Variants in AFF3 observed in about 807,000 individuals in gnomAD.
The protein encoded by AFF3 is AF4/FMR2 family member 3.
Under a neutral mutation model 129.7 loss-of-function variants are expected in AFF3, and 32 were observed. The observed-to-expected ratio is 0.25, with a 90% CI of 0.19 to 0.33. The LOEUF is 0.33. Among genes scored for constraint, AFF3 ranks in the 10% least tolerant of loss-of-function variants. AFF3 has a pLI of 1.00. For missense variants in AFF3, 1,373 were observed against 1,592.0 expected, an observed-to-expected ratio of 0.86 and a Z score of 2.34; for synonymous variants, 644 against 635.4, an observed-to-expected ratio of 1.01 and a Z score of -0.20.
At chr2:100,014,783 CTTTT>C (rs60456923) in intron 4 of AFF3, among the ~76,000 whole-genome samples, 2 of 120,412 alleles carry the variant, frequency 1.7e-5, no homozygotes, top group African/African-American at 6.6e-5. Flanking sequence ...ACCTTGCTTC[CTTTT>C]TTTTTTTTTT....
chr2:99,815,212 T>A lies in AFF3; in HGVS notation c.921+22265A>T, dbSNP rs1205285042. Among the ~76,000 whole-genome samples the A allele has an allele frequency of 2.0e-5, 3 of 152,180 alleles. No individual in the cohort carries two copies. In the East Asian group the frequency reaches 5.8e-4, roughly 29 times the overall value. On this transcript the variant is annotated intron_variant, in intron 8 of 24. Coordinates refer to ENST00000672756, the MANE Select transcript of AFF3 (RefSeq NM_001386135.1). ...CTTTATGATCATGAATTGTTCAGTC[T>A]TATTCCTTGGATGTATCAGTTGCAT...
intron 7 of AFF3, among the ~76,000 whole-genome samples, chr2:99,921,879 A>G (rs1400769601): frequency 6.6e-6 from 1 of 152,214 alleles, no homozygotes; most frequent in Non-Finnish European, 1.5e-5. Flanking sequence ...ATTAGCAACA[A>G]CACTATAAAA....
At chr2:100,071,292 G>A (rs1688161180) in intron 4 of AFF3, among the ~76,000 whole-genome samples, 1 of 152,156 alleles carries the variant, frequency 6.6e-6, no homozygotes, top group South Asian at 2.1e-4. Flanking sequence ...AAATAAAAAT[G>A]TCTAATACTA....
At chr2:99,605,689 AC>A (rs1281312143) in intron 13 of AFF3, among the ~76,000 whole-genome samples, 2 of 152,128 alleles carry the variant, frequency 1.3e-5, no homozygotes, top group African/African-American at 4.8e-5. Flanking sequence ...AGCCACAAAC[AC>A]ACACATATAC....
intron 16 of AFF3, among the ~76,000 whole-genome samples, chr2:99,586,188 T>G (rs1412158181): frequency 6.6e-6 from 1 of 152,242 alleles, no homozygotes; most frequent in Non-Finnish European, 1.5e-5. Flanking sequence ...ATTTGGGGAC[T>G]ACATTTTCCC....
chr2:99,831,703 T>G (rs1034444922), intron 8 of AFF3, among the ~76,000 whole-genome samples: 1 of 152,152 alleles, frequency 6.6e-6, no homozygotes, highest in Non-Finnish European at 1.5e-5. Flanking sequence ...CACTAAAATA[T>G]AAAGAAGAAA....
rs572045852 is a variant in AFF3 at position 99,707,499 on chromosome 2, G to C, written c.1091+19578C>G. On this transcript the variant is annotated intron_variant, in intron 11 of 24. Coordinates refer to ENST00000672756, the MANE Select transcript of AFF3 (RefSeq NM_001386135.1). ...AGGTTATCCACGAAGTTTCAAACGC[G>C]TCTTAGTAACATAAACTGAAGTTAG... The C allele has an allele frequency of 1.4e-5, 14 of 985,166 alleles. No homozygotes were observed. The South Asian group carries it at 4.7e-4, about 33-fold the overall frequency. 61.0% of individuals were successfully genotyped at this position (985,166 alleles called of 1,614,324 possible).
At chr2:99,996,604 T>A (rs1362814677) in intron 7 of AFF3, among the ~76,000 whole-genome samples, 2 of 149,438 alleles carry the variant, frequency 1.3e-5, no homozygotes, top group Admixed American at 6.7e-5. Flanking sequence ...ATGGTCTCGA[T>A]CTCCTGACCT....
chr2:100,037,851 CAT>C (rs1186131991), intron 4 of AFF3, among the ~76,000 whole-genome samples: 3 of 139,814 alleles, frequency 2.1e-5, no homozygotes, highest in East Asian at 4.0e-4. Flanking sequence ...TACAAATAAA[CAT>C]ATATAATATA....
chr2:99,961,529 T>G (rs1677212726), intron 7 of AFF3, among the ~76,000 whole-genome samples: 2 of 152,222 alleles, frequency 1.3e-5, no homozygotes, highest in Admixed American at 6.5e-5. Flanking sequence ...ACACAGGTTT[T>G]AGAGATTATC....
At chr2:99,571,694 C>T (rs940363801) in intron 18 of AFF3, among the ~76,000 whole-genome samples, 1 of 152,192 alleles carries the variant, frequency 6.6e-6, no homozygotes, top group Non-Finnish European at 1.5e-5. Flanking sequence ...GGAGGGCTCA[C>T]TATAATGAGT....
At chr2:99,720,895 A>T (rs543981037) in intron 11 of AFF3, among the ~76,000 whole-genome samples, 70 of 152,298 alleles carry the variant, frequency 4.6e-4, no homozygotes, top group African/African-American at 1.7e-3. Flanking sequence ...ACTTCACATA[A>T]AATGTAAAAA....
At chr2:99,977,352 G>C (rs910925505) in intron 7 of AFF3, among the ~76,000 whole-genome samples, 2 of 152,150 alleles carry the variant, frequency 1.3e-5, no homozygotes, top group Non-Finnish European at 2.9e-5. Context: ...GGGAACCCAA[G>C]GCCTGCTCCT....
chr2:99,570,735 C>T (rs1676397452), intron 18 of AFF3, among the ~76,000 whole-genome samples: 1 of 152,232 alleles, frequency 6.6e-6, no homozygotes, highest in Admixed American at 6.5e-5. Context: ...ATATTGCTTA[C>T]TCACGAAGGC....
At chr2:99,954,189 T>C (rs972772238) in intron 7 of AFF3, among the ~76,000 whole-genome samples, 1 of 152,058 alleles carries the variant, frequency 6.6e-6, no homozygotes, top group African/African-American at 2.4e-5. Flanking sequence ...TTTAGCATTA[T>C]CTAAATGCAG....
chr2:99,553,069 T>A (rs1468803868), intron 24 of AFF3, among the ~76,000 whole-genome samples: 2 of 152,182 alleles, frequency 1.3e-5, no homozygotes, highest in Non-Finnish European at 2.9e-5. Flanking sequence ...CCTGAGTAGC[T>A]GGGATTACAG....
Position 99,554,314 on chromosome 2 carries a change from G to A in AFF3, c.3556C>T (p.Arg1186Ter). ...EMADNLAKEN[R>*]EFFNDLDLLM... ...TCCCCGTGGGGTGTGCGCTCACCTC[G>A]GTTTTCCTTGGCCAGGTTGTCGGCC... Residue 1186 changes from arginine (R) to a stop codon, truncating the protein, a stop_gained, in exon 24 of 25, where the codon CGA (arginine) becomes TGA (stop). Transcript: ENST00000672756. LOFTEE classifies it high-confidence loss of function. The A allele has an allele frequency of 6.2e-7, 1 of 1,614,130 alleles. No individual in the cohort carries two copies. The highest frequency in any genetic ancestry group is 8.5e-7 in the Non-Finnish European group (1 of 1,180,030).
intron 18 of AFF3, among the ~76,000 whole-genome samples, chr2:99,576,990 G>A (rs1677061034): frequency 6.6e-6 from 1 of 152,042 alleles, no homozygotes; most frequent in African/African-American, 2.4e-5. Context: ...GGGGTGGTGA[G>A]GGCCAGGAGT....
chr2:100,045,829 A>T (rs1308910160), intron 4 of AFF3, among the ~76,000 whole-genome samples: 1 of 152,200 alleles, frequency 6.6e-6, no homozygotes, highest in Non-Finnish European at 1.5e-5. Flanking sequence ...GCTTATTGTA[A>T]GAATAATATC....
Sources: allele counts gnomAD v4.1 joint callset (sites outside exome capture counted in the v4.1 genomes callset), GRCh38; gene constraint gnomAD v4.1.1; transcripts MANE v1.5; gene names NCBI Gene and HGNC (gene_info 2026-07-23, HGNC 2026-07-21).